TSPOAP1: variants seen among roughly 807,000 people sequenced by gnomAD.
TSPOAP1 encodes TSPO associated protein 1.
A neutral mutation model predicts 197.0 loss-of-function variants in TSPOAP1; 87 were observed. The observed-to-expected ratio is 0.44, with a 90% CI of 0.37 to 0.53. The LOEUF (loss-of-function observed/expected upper bound fraction) is 0.53. Among genes scored for constraint, TSPOAP1 ranks in the 20% least tolerant of loss-of-function variants. The pLI, the probability that TSPOAP1 is intolerant of heterozygous loss-of-function variation, is 0.00. For missense variants in TSPOAP1, 2,174 were observed against 2,411.3 expected (o/e 0.90, Z 2.06); for synonymous variants, 913 against 998.9 (o/e 0.91, Z 1.62).
At position 58,322,668 on chromosome 17, in the gene TSPOAP1, C is replaced by T. The variant is rs1456253754; in HGVS notation, c.1303G>A (p.Glu435Lys). 1.9e-6 allele frequency: 3 copies of T among 1,610,900 alleles called. No individual in the cohort carries two copies. Among genetic ancestry groups the T allele is most frequent in the South Asian group, 1.1e-5 (1 of 91,074 alleles). ...CATCTCCTCACCTTCAGCACTTGCTCCAGGCTCTCCAGCTTGCTCTGCAGG... is the reference window on the plus strand; with the variant it reads ...CATCTCCTCACCTTCAGCACTTGCTTCAGGCTCTCCAGCTTGCTCTGCAGG... ...QGLQSKLESLEQVLKHMREVA... is the reference protein window; with the variant it reads ...QGLQSKLESLKQVLKHMREVA... The change falls in exon 9 of 32, where the codon GAG becomes AAG. Residue 435 changes from glutamate (E) to lysine (K), a missense_variant. Around this residue, in one of 5 missense-constraint regions of TSPOAP1, gnomAD observed 1,933 missense variants for 2,139.0 expected, o/e 0.90. Coordinates refer to ENST00000343736, the MANE Select transcript of TSPOAP1 (RefSeq NM_004758.4). The surrounding 1 kb of genome is among the most constrained non-coding windows in gnomAD (Gnocchi z 5.0).
rs760233629 is a variant in TSPOAP1, at chr17:58,326,771, A to G, written c.353T>C (p.Phe118Ser). Residue 118 changes from phenylalanine to serine, a missense_variant, in exon 2 of 32, where the codon TTT (phenylalanine) becomes TCT (serine). Around this residue, in one of 5 missense-constraint regions of TSPOAP1, gnomAD observed 1,933 missense variants for 2,139.0 expected, o/e 0.90. Transcript: ENST00000343736. This position sits in a 1 kb window ranked among gnomAD's most constrained non-coding sequence, Gnocchi z 4.7. ...AFLKAKLNMS[F>S]GDRPNLELLR... is the part of the protein sequence containing the mutation. Reference sequence around the variant, plus strand: ...CAGCTCCAGATTGGGCCTGTCCCCAAAGCTCATATTCAGCTTGGCCTGGCA... The same window carrying G: ...CAGCTCCAGATTGGGCCTGTCCCCAGAGCTCATATTCAGCTTGGCCTGGCA... 5 of 1,613,902 alleles carry G rather than the reference A, an allele frequency of 3.1e-6. No individual in the cohort carries two copies. The highest frequency in any genetic ancestry group is 1.6e-4 in the Middle Eastern group (1 of 6,084).
At chr17:58,323,136 C>T (rs1971452700) in intron 7 of TSPOAP1, 97 bp from the exon 8 acceptor site, 1 of 1,494,156 alleles carries the variant, frequency 6.7e-7, no homozygotes, top group Non-Finnish European at 9.2e-7. Flanking sequence ...CAAGGCCTTC[C>T]TCCCCTGCTG....
chr17:58,305,177 G>A lies in TSPOAP1; in HGVS notation c.5434-6C>T, dbSNP rs1198339843. 1.4e-5 allele frequency: 23 copies of A among 1,602,450 alleles called. No individual in the cohort carries two copies. The highest frequency in any genetic ancestry group is 2.0e-5 in the Non-Finnish European group (23 of 1,169,536). On this transcript the variant is annotated splice_polypyrimidine_tract_variant and splice_region_variant and intron_variant, in intron 29 of 31. Transcript: ENST00000343736. Reference sequence around the variant, plus strand: ...CTTTGTCCATTTAATTCCCCCTGGAGAGAAGAGGCCGGTGAGACTGAGATC... The same window carrying A: ...CTTTGTCCATTTAATTCCCCCTGGAAAGAAGAGGCCGGTGAGACTGAGATC...
In TSPOAP1 at chr17:58,322,240, C is replaced by A; in HGVS notation, c.1422+68G>T. On this transcript the variant is annotated intron_variant, in intron 10 of 31. Transcript: ENST00000343736. The surrounding 1 kb of genome is among the most constrained non-coding windows in gnomAD (Gnocchi z 5.0). ...CACAGTGCCGGGCACACAGTAAATG[C>A]TTGTGGAATGAGTGAGTGGCAAAGC... is the stretch of plus-strand genomic sequence containing the variant. 1 of 1,489,950 alleles carries A rather than the reference C, an allele frequency of 6.7e-7. No individual in the cohort carries two copies. The highest frequency in any genetic ancestry group is 9.2e-7 in the Non-Finnish European group (1 of 1,085,388). The allele number at this position is 1,489,950 out of a possible 1,614,324, so 92.3% of individuals were successfully genotyped here. A position where few individuals can be genotyped will look rare whatever the true frequency, so the allele number is the denominator to read the frequency against.
At position 58,309,482 on chromosome 17, in the gene TSPOAP1, G is replaced by T. The variant is rs758120010; in HGVS notation, c.3892-102C>A. On this transcript the variant is annotated intron_variant, in intron 21 of 31. Transcript: ENST00000343736. This position sits in a 1 kb window ranked among gnomAD's most constrained non-coding sequence, Gnocchi z 5.0. Reference sequence around the variant, plus strand: ...TCTTTGCCCTCAAACGAAGGCAGGGGTTACGGACAACCCCACAGCCCTCCC... The same window carrying T: ...TCTTTGCCCTCAAACGAAGGCAGGGTTTACGGACAACCCCACAGCCCTCCC... The T allele has an allele frequency of 2.1e-6, 3 of 1,451,334 alleles. No individual in the cohort carries two copies. Among genetic ancestry groups the T allele is most frequent in the Non-Finnish European group, 2.7e-6 (3 of 1,092,270 alleles). The allele number at this position is 1,451,334 out of a possible 1,614,324, so 89.9% of individuals were successfully genotyped here.
chr17:58,319,382 T>A, intron 12 of TSPOAP1, 88 bp from the exon 13 acceptor site: 1 of 1,388,010 alleles, frequency 7.2e-7, no homozygotes, highest in South Asian at 1.4e-5. Flanking sequence ...TACACTGGGT[T>A]TCAGGTCATA....
chr17:58,325,156 T>TGCGTATGTGG (rs1567851669), intron 4 of TSPOAP1, among the ~76,000 whole-genome samples, 154 bp from the exon 5 acceptor site: 1 of 152,148 alleles, frequency 6.6e-6, no homozygotes, highest in Non-Finnish European at 1.5e-5. Flanking sequence ...TACATGTGCA[T>TGCGTATGTGG]GCGTATGTGG....
chr17:58,310,387 C>A, intron 20 of TSPOAP1, 125 bp downstream of exon 20: 1 of 1,419,698 alleles, frequency 7.0e-7, no homozygotes, highest in Non-Finnish European at 9.5e-7. Flanking sequence ...ATAGCACAGC[C>A]AAAGGTGTGA....
intron 29 of TSPOAP1, 21 bp downstream of exon 29, chr17:58,305,366 C>G: frequency 1.2e-6 from 2 of 1,613,074 alleles, no homozygotes; most frequent in Non-Finnish European, 1.7e-6. Context: ...TATGGTACAC[C>G]CTCCCCAACA....
chr17:58,312,617 G>A lies in TSPOAP1; in HGVS notation c.2204C>T (p.Ser735Phe). 1 of 1,613,832 alleles carries A rather than the reference G, an allele frequency of 6.2e-7. No homozygotes were observed. Among genetic ancestry groups the A allele is most frequent in the Non-Finnish European group, 8.5e-7 (1 of 1,179,980 alleles). ...ACTGAGTTCAGGGCCTGAGCTGTGG[G>A]ACAAATCGGCCAGCTCTGGAGGGAG... is the stretch of plus-strand genomic sequence containing the variant. ...TSLPPELADL[S>F]HSSGPELSFL... The change falls in exon 17 of 32, where the codon TCC becomes TTC. Residue 735 changes from serine (S) to phenylalanine (F), a missense_variant. Physicochemically the swap from Ser to Phe is radical, Grantham distance 155. This residue lies in a region of TSPOAP1 where 1,933 missense variants were observed against 2,139.0 expected (regional missense o/e 0.90). Transcript: ENST00000343736.
rs200198933 is a variant in TSPOAP1, at chr17:58,322,300, C to T, written c.1422+8G>A. 3.6e-5 allele frequency: 57 copies of T among 1,601,088 alleles called. No homozygotes were observed. In the East Asian group the frequency reaches 7.1e-4, roughly 20 times the overall value. On this transcript the variant is annotated splice_region_variant and intron_variant, in intron 10 of 31. Coordinates refer to ENST00000343736, the MANE Select transcript of TSPOAP1 (RefSeq NM_004758.4). This position sits in a 1 kb window ranked among gnomAD's most constrained non-coding sequence, Gnocchi z 5.0. ...GCAGCCTGCCAGCTTCCCTCACTGCCGCCCCACCTGCTGCAGTCTCCGGAC... is the reference window on the plus strand; with the variant it reads ...GCAGCCTGCCAGCTTCCCTCACTGCTGCCCCACCTGCTGCAGTCTCCGGAC...
chr17:58,316,244 T>A, intron 15 of TSPOAP1, 112 bp from the exon 16 acceptor site: 3 of 1,128,164 alleles, frequency 2.7e-6, no homozygotes, highest in Non-Finnish European at 4.0e-6. Flanking sequence ...GTTGTGGTTG[T>A]CCACCACCAG....
rs756292057 is a variant in TSPOAP1, at chr17:58,304,414, C to T, written c.5545-15G>A. 8 of 1,612,434 alleles carry T rather than the reference C, an allele frequency of 5.0e-6. No homozygotes were observed. The highest frequency in any genetic ancestry group is 6.8e-6 in the Non-Finnish European group (8 of 1,178,474). Reference sequence around the variant, plus strand: ...CTCCTCGTTCTCTGAGGACAGGGAACAAAGAGAGGAGATGGGTTACCGACA... The same window carrying T: ...CTCCTCGTTCTCTGAGGACAGGGAATAAAGAGAGGAGATGGGTTACCGACA... On this transcript the variant is annotated splice_polypyrimidine_tract_variant and intron_variant, in intron 30 of 31. Transcript: ENST00000343736. This position sits in a 1 kb window ranked among gnomAD's most constrained non-coding sequence, Gnocchi z 4.2.
chr17:58,310,114 G>A lies in TSPOAP1; in HGVS notation c.3744C>T (p.Leu1248=), dbSNP rs374478810. The change falls in exon 21 of 32, where the codon CTC becomes CTT. Residue 1248 remains leucine (L), a synonymous_variant. Transcript: ENST00000343736. ...AELGVHLVNS[L]VDHGRNSDLS... is the part of the protein sequence containing the mutation. ...GGTCTGAGTTGCGGCCGTGGTCCACGAGGGAGTTCACCAGATGAACCCCAA... is the reference window on the plus strand; with the variant it reads ...GGTCTGAGTTGCGGCCGTGGTCCACAAGGGAGTTCACCAGATGAACCCCAA... 5.1e-5 allele frequency: 83 copies of A among 1,613,222 alleles called. No individual in the cohort carries two copies. The highest frequency in any genetic ancestry group is 1.6e-4 in the Middle Eastern group (1 of 6,084).
chr17:58,312,394 C>T lies in TSPOAP1; in HGVS notation c.2427G>A (p.Leu809=), dbSNP rs1168206547. The T allele has an allele frequency of 6.2e-7, 1 of 1,612,532 alleles. No homozygotes were observed. Among genetic ancestry groups the T allele is most frequent in the South Asian group, 1.1e-5 (1 of 90,940 alleles). The change falls in exon 17 of 32, where the codon CTG becomes CTA. Residue 809 remains leucine (L), a synonymous_variant. Coordinates refer to ENST00000343736, the MANE Select transcript of TSPOAP1 (RefSeq NM_004758.4). ...CTTGCTCAGGAGGCGGCTCCCAGGC[C>T]AGCACCACGCTGTGGGCCAGCTGCT... The part of the protein sequence containing the change: ...VLKQLAHSVV[L]AWEPPPEQVE...
Position 58,310,036 on chromosome 17 carries a change from C to T in TSPOAP1, c.3822G>A (p.Glu1274=), listed in dbSNP as rs773186772. The change falls in exon 21 of 32, where the codon GAG becomes GAA. Residue 1274 remains glutamate (E), a synonymous_variant. Coordinates refer to ENST00000343736, the MANE Select transcript of TSPOAP1 (RefSeq NM_004758.4). ...EEEEEEEEEE[E]LGSRTCSFQK... ...GGAAGGAGCAAGTCCTGGAACCCAG[C>T]TCCTCTTCCTCCTCCTCCTCCTCCT... 6.2e-7 allele frequency: 1 copy of T among 1,613,706 alleles called. No homozygotes were observed. The highest frequency in any genetic ancestry group is 8.5e-7 in the Non-Finnish European group (1 of 1,180,016).
intron 10 of TSPOAP1, 110 bp from the exon 11 acceptor site, chr17:58,320,691 G>C: frequency 2.3e-6 from 2 of 851,996 alleles, no homozygotes; most frequent in Non-Finnish European, 3.3e-6. Flanking sequence ...GGAGGAAGAA[G>C]CCGGGAGAAA....
intron 10 of TSPOAP1, 81 bp from the exon 11 acceptor site, chr17:58,320,662 T>C (rs777922484): frequency 5.0e-5 from 56 of 1,115,754 alleles, no homozygotes; most frequent in Non-Finnish European, 6.4e-5. Context: ...GGAGGAAGGG[T>C]AGAAAGGACA....
rs1356828532 is a variant in TSPOAP1 at position 58,310,235 on chromosome 17, GC to G, written c.3700-78del. Reference sequence around the variant, plus strand: ...GGGGTTCCAGGCAGGGTCAGCCCCAGCCACAGTAACAAGGGTCCTTTGGCAG... The same window carrying G: ...GGGGTTCCAGGCAGGGTCAGCCCCAGCACAGTAACAAGGGTCCTTTGGCAG... On this transcript the variant is annotated intron_variant, in intron 20 of 31. Transcript: ENST00000343736. The G allele has an allele frequency of 3.8e-5, 55 of 1,443,066 alleles. No homozygotes were observed. In the East Asian group the frequency reaches 1.2e-3, roughly 31 times the overall value. The allele number at this position is 1,443,066 out of a possible 1,614,324, so 89.4% of individuals were successfully genotyped here.
Sources: gnomAD v4.1 joint callset for allele counts (sites outside exome capture counted in the v4.1 genomes callset) on GRCh38, gnomAD v4.1.1 for gene constraint, gnomAD v4.1.1 regional missense constraint, Gnocchi (gnomAD v3.1) non-coding constraint, MANE v1.5 for transcripts, NCBI Gene and HGNC (gene_info 2026-07-23, HGNC 2026-07-21) for gene names.